Variants in PCDH7 observed in about 807,000 individuals in gnomAD.
PCDH7 encodes the protein protocadherin-7.
PCDH7 carries 17 observed loss-of-function variants against 58.9 expected under a neutral mutation model. The observed-to-expected ratio is 0.29, with a 90% CI of 0.20 to 0.43. PCDH7 has a LOEUF of 0.43. Among genes scored for constraint, PCDH7 ranks in the 20% least tolerant of loss-of-function variants. The pLI is 1.00. For missense variants in PCDH7, 1,274 were observed against 1,441.0 expected, an observed-to-expected ratio of 0.88 and a Z score of 1.88; for synonymous variants, 664 against 616.4, an observed-to-expected ratio of 1.08 and a Z score of -1.14.
At chr4:31,121,454 C>T (rs776406558) in intron 3 of PCDH7, among the ~76,000 whole-genome samples, 1 of 152,108 alleles carries the variant, frequency 6.6e-6, no homozygotes, top group Non-Finnish European at 1.5e-5. Flanking sequence ...TTAAGAATAA[C>T]TTATTTATTT....
chr4:30,763,290 CT>C (rs1720281711), intron 1 of PCDH7, among the ~76,000 whole-genome samples: 1 of 152,136 alleles, frequency 6.6e-6, no homozygotes, highest in African/African-American at 2.4e-5. Flanking sequence ...TCTTTATTTT[CT>C]AATTCTGACT....
At chr4:30,928,214 C>T (rs1744134533) in intron 2 of PCDH7, among the ~76,000 whole-genome samples, 1 of 152,134 alleles carries the variant, frequency 6.6e-6, no homozygotes, top group African/African-American at 2.4e-5. Context: ...CATGAGCCAC[C>T]CTGCCCAGCA....
intron 3 of PCDH7, among the ~76,000 whole-genome samples, chr4:30,968,384 A>ACACACAC (rs1560541600): frequency 3.9e-5 from 2 of 51,464 alleles, no homozygotes; most frequent in African/African-American, 3.0e-4. Context: ...CACTATATAT[A>ACACACAC]TATATATATA....
intron 1 of PCDH7, among the ~76,000 whole-genome samples, chr4:30,797,507 C>A (rs1002539980): frequency 3.3e-5 from 5 of 152,040 alleles, no homozygotes; most frequent in African/African-American, 1.2e-4. Flanking sequence ...ATTTCCTGAC[C>A]TCGTGATCTG....
At chr4:31,052,753 C>T (rs898785261) in intron 3 of PCDH7, among the ~76,000 whole-genome samples, 1 of 152,148 alleles carries the variant, frequency 6.6e-6, no homozygotes, top group African/African-American at 2.4e-5. Context: ...CTGATGCCAG[C>T]ATCTGACTAT....
intron 1 of PCDH7, among the ~76,000 whole-genome samples, chr4:30,741,981 A>G (rs969935118): frequency 6.6e-6 from 1 of 152,210 alleles, no homozygotes; most frequent in African/African-American, 2.4e-5. Context: ...CTCTGTGTCT[A>G]TTATTATCAT....
rs1207137917 is a variant in PCDH7, at chr4:30,758,695, T to G, written c.70+34099T>G. ...CGGTGGACAGGAAGGGAGAAAAGCA[T>G]GGCTGGGAATGCAGGTATTGCACTA... On this transcript the variant is annotated intron_variant, in intron 1 of 3. Transcript: ENST00000509759. Among the ~76,000 whole-genome samples, 5 of 152,262 alleles carry G rather than the reference T, an allele frequency of 3.3e-5. No individual in the cohort carries two copies. The East Asian group carries it at 9.7e-4, about 29-fold the overall frequency.
chr4:30,807,350 A>G (rs996522198), intron 1 of PCDH7, among the ~76,000 whole-genome samples: 15 of 152,240 alleles, frequency 9.9e-5, no homozygotes, highest in Non-Finnish European at 2.2e-4. Flanking sequence ...TTTGCTTTAG[A>G]GCACAGCAAT....
intron 3 of PCDH7, among the ~76,000 whole-genome samples, chr4:31,049,500 T>A (rs1309861309): frequency 6.6e-6 from 1 of 152,132 alleles, no homozygotes; most frequent in Non-Finnish European, 1.5e-5. Context: ...TTTCTTTCTC[T>A]TGCTAGTAAC....
chr4:30,824,523 T>C (rs1728861361), intron 1 of PCDH7, among the ~76,000 whole-genome samples: 2 of 152,082 alleles, frequency 1.3e-5, no homozygotes, highest in Admixed American at 1.3e-4. Context: ...AACTAGTTGA[T>C]AGAGATATAT....
At chr4:30,973,347 C>A (rs1749772186) in intron 3 of PCDH7, among the ~76,000 whole-genome samples, 1 of 152,050 alleles carries the variant, frequency 6.6e-6, no homozygotes, top group Non-Finnish European at 1.5e-5. Context: ...GAGAGTATTA[C>A]CTGGGGAGAT....
chr4:30,823,183 A>G (rs887204883), intron 1 of PCDH7, among the ~76,000 whole-genome samples: 4 of 152,148 alleles, frequency 2.6e-5, no homozygotes, highest in Admixed American at 6.6e-5. Context: ...TTGGCTTAAC[A>G]ACTTTCAGCT....
chr4:30,768,687 T>G (rs948471017), intron 1 of PCDH7, among the ~76,000 whole-genome samples: 1 of 152,230 alleles, frequency 6.6e-6, no homozygotes, highest in African/African-American at 2.4e-5. Flanking sequence ...CAGATGACAG[T>G]GTACATGTAC....
intron 1 of PCDH7, among the ~76,000 whole-genome samples, chr4:30,832,430 GATATT>G (rs1729922358): frequency 6.6e-6 from 1 of 152,098 alleles, no homozygotes. Flanking sequence ...TGAATAATGT[GATATT>G]ATATTAACTG....
intron 1 of PCDH7, among the ~76,000 whole-genome samples, chr4:30,871,338 T>C (rs1337774206): frequency 6.6e-6 from 1 of 152,036 alleles, no homozygotes; most frequent in Non-Finnish European, 1.5e-5. Flanking sequence ...TTCAGACTTT[T>C]TTCATCTTGT....
intron 1 of PCDH7, among the ~76,000 whole-genome samples, chr4:30,882,191 T>C (rs868845049): frequency 3.2e-4 from 45 of 141,006 alleles, no homozygotes; most frequent in African/African-American, 1.1e-3. Context: ...CTCTTTCCCC[T>C]CCCCTTCCTC....
intron 3 of PCDH7, among the ~76,000 whole-genome samples, chr4:31,109,990 A>G (rs1400162041): frequency 6.6e-6 from 1 of 152,220 alleles, no homozygotes; most frequent in Non-Finnish European, 1.5e-5. Context: ...AATGCTCAAT[A>G]TTATTAATCA....
At chr4:31,010,270 T>G (rs1019839644) in intron 3 of PCDH7, among the ~76,000 whole-genome samples, 1 of 151,988 alleles carries the variant, frequency 6.6e-6, no homozygotes, top group Non-Finnish European at 1.5e-5. Flanking sequence ...AGCTAGAAAC[T>G]TAATGAAAAT....
chr4:31,130,694 C>T (rs565321363), intron 3 of PCDH7, among the ~76,000 whole-genome samples: 23 of 152,270 alleles, frequency 1.5e-4, no homozygotes, highest in East Asian at 1.4e-3. Context: ...GGGGAGAATC[C>T]GCTTCCTTGC....
Sources: allele counts gnomAD v4.1 joint callset (sites outside exome capture counted in the v4.1 genomes callset), GRCh38; gene constraint gnomAD v4.1.1; transcripts MANE v1.5; gene names NCBI Gene and HGNC (gene_info 2026-07-23, HGNC 2026-07-21).